The following FAM204A variants were observed in gnomAD, a reference collection of about 807,000 sequenced individuals.
FAM204A encodes the protein protein FAM204A.
A neutral mutation model predicts 35.4 loss-of-function variants in FAM204A; 16 were observed. That is an observed-to-expected ratio of 0.45 (90% CI 0.31 to 0.69). The LOEUF is 0.69. Ranked by LOEUF, FAM204A falls within the 30% of genes least tolerant of loss-of-function variation. FAM204A has a pLI of 0.07. For missense variants in FAM204A, 240 were observed against 265.7 expected (o/e 0.90, Z 0.67); for synonymous variants, 76 against 86.9 (o/e 0.88, Z 0.70).
rs1285897658 is a variant in FAM204A, at chr10:118,335,584, T to C, written c.292A>G (p.Arg98Gly). 1 of 1,611,608 alleles carries C rather than the reference T, an allele frequency of 6.2e-7. No individual in the cohort carries two copies. The highest frequency in any genetic ancestry group is 8.5e-7 in the Non-Finnish European group (1 of 1,179,458). Residue 98 changes from arginine (R) to glycine (G), a missense_variant, in exon 4 of 9, where the codon AGA becomes GGA. Around this residue, in one of 2 missense-constraint regions of FAM204A, gnomAD observed 232 missense variants for 242.8 expected, o/e 0.96. Transcript: ENST00000369183. ...CTGGAGCGTTTTCTTCTTTTCCCTCTGAATCTTGAGGTTGTGCTTTTCTGT... is the reference window on the plus strand; with the variant it reads ...CTGGAGCGTTTTCTTCTTTTCCCTCCGAATCTTGAGGTTGTGCTTTTCTGT... ...SEQKSTTSRF[R>G]GKRRKRSRKD...
At chr10:118,326,468 C>T in intron 6 of FAM204A, 1 of 474,368 alleles carries the variant, frequency 2.1e-6, no homozygotes, top group South Asian at 3.3e-5. Flanking sequence ...AAATAAGACG[C>T]AAATCCAGAT....
At position 118,311,322 on chromosome 10, in the gene FAM204A, T is replaced by C. The variant is rs1845948580; in HGVS notation, c.544-9A>G. On this transcript the variant is annotated splice_polypyrimidine_tract_variant and intron_variant, in intron 7 of 8. Coordinates refer to ENST00000369183, the MANE Select transcript of FAM204A (RefSeq NM_022063.3). ...GCAATTTTTACACCAAGCTAAGAAT[T>C]ACAAAGGAGAAAAAAAAAGTGAAAA... 1 of 1,472,880 alleles carries C rather than the reference T, an allele frequency of 6.8e-7. No homozygotes were observed. Among genetic ancestry groups the C allele is most frequent in the Non-Finnish European group, 9.0e-7 (1 of 1,114,950 alleles). 91.2% of individuals were successfully genotyped at this position (1,472,880 alleles called of 1,614,324 possible). A position where few individuals can be genotyped will look rare whatever the true frequency, so the allele number is the denominator to read the frequency against.
chr10:118,330,040 T>C (rs1362445246), intron 6 of FAM204A, among the ~76,000 whole-genome samples: 1 of 152,224 alleles, frequency 6.6e-6, no homozygotes, highest in African/African-American at 2.4e-5. Context: ...TTCTCCATCT[T>C]GGGCTCCCAG....
chr10:118,332,395 C>T (rs569113315), intron 6 of FAM204A, among the ~76,000 whole-genome samples: 117 of 152,010 alleles, frequency 7.7e-4, no homozygotes, highest in African/African-American at 2.7e-3. Flanking sequence ...AACCAAGAGG[C>T]AATGGTTTAC....
In FAM204A at chr10:118,298,686, C is replaced by T. The variant is rs1036740117; in HGVS notation, c.*12171G>A. On this transcript the variant is annotated 3_prime_UTR_variant, in exon 9 of 9. Transcript: ENST00000369183. The stretch of plus-strand genomic sequence containing the variant: ...TTACAATGTACAGAGATTATTGTTA[C>T]GTCCACATTATTATTTTTGGCACTA... 3 of 152,136 alleles carry T rather than the reference C, an allele frequency of 2.0e-5. No individual in the cohort carries two copies. The highest frequency in any genetic ancestry group is 4.8e-5 in the African/African-American group (2 of 41,426). The allele number at this position is 152,136 out of a possible 1,614,324, so 9.4% of individuals were successfully genotyped here. A position where few individuals can be genotyped will look rare whatever the true frequency, so the allele number is the denominator to read the frequency against.
At chr10:118,318,043 C>T (rs1234706530) in intron 7 of FAM204A, among the ~76,000 whole-genome samples, 1 of 151,950 alleles carries the variant, frequency 6.6e-6, no homozygotes, top group Non-Finnish European at 1.5e-5. Context: ...TTTCCCTCCC[C>T]AGTGTCCTAT....
chr10:118,331,821 T>C (rs896421641), intron 6 of FAM204A, among the ~76,000 whole-genome samples: 2 of 145,920 alleles, frequency 1.4e-5, no homozygotes, highest in African/African-American at 5.1e-5. Flanking sequence ...AAATCATATA[T>C]TTATTCATAA....
At position 118,309,167 on chromosome 10, in the gene FAM204A, A is replaced by G. The variant is rs1435876626; in HGVS notation, c.*1690T>C. On this transcript the variant is annotated 3_prime_UTR_variant, in exon 9 of 9. Transcript: ENST00000369183. Reference sequence around the variant, plus strand: ...GGAACAAGGGATATTAAATCATAAAATAAGACTTTCCAACATTTGGTCTGG... The same window carrying G: ...GGAACAAGGGATATTAAATCATAAAGTAAGACTTTCCAACATTTGGTCTGG... 1 of 152,230 alleles carries G rather than the reference A, an allele frequency of 6.6e-6. No individual in the cohort carries two copies. Among genetic ancestry groups the G allele is most frequent in the Non-Finnish European group, 1.5e-5 (1 of 68,036 alleles). 9.4% of individuals were successfully genotyped at this position (152,230 alleles called of 1,614,324 possible).
chr10:118,326,489 C>G (rs895155458), intron 6 of FAM204A: 1 of 466,588 alleles, frequency 2.1e-6, no homozygotes, highest in Non-Finnish European at 3.8e-6. Flanking sequence ...TTTTGTGAAT[C>G]AAAGCCTATG....
chr10:118,312,850 G>A (rs1201990408), intron 7 of FAM204A, among the ~76,000 whole-genome samples: 1 of 152,186 alleles, frequency 6.6e-6, no homozygotes, highest in Admixed American at 6.5e-5. Flanking sequence ...CACTGTTCTA[G>A]GTGCTGGAGG....
intron 3 of FAM204A, 147 bp from the exon 4 acceptor site, chr10:118,335,788 T>C (rs1304925790): frequency 3.0e-6 from 2 of 658,262 alleles, no homozygotes; most frequent in Non-Finnish European, 5.0e-6. Context: ...AGATGCTCTA[T>C]TCTCTGAGAC....
Position 118,301,656 on chromosome 10 carries a change from G to C in FAM204A, c.*9201C>G, listed in dbSNP as rs971433941. On this transcript the variant is annotated 3_prime_UTR_variant, in exon 9 of 9. Transcript: ENST00000369183. ...CGTGTAGAAATGCAAGAATTGTCCA[G>C]AGAATTGTCTCCCAACAAGTATATT... 6.6e-6 allele frequency: 1 copy of C among 152,156 alleles called. No individual in the cohort carries two copies. The highest frequency in any genetic ancestry group is 2.4e-5 in the African/African-American group (1 of 41,448). The allele number at this position is 152,156 out of a possible 1,614,324, so 9.4% of individuals were successfully genotyped here.
In FAM204A at chr10:118,308,302, T is replaced by C. The variant is rs1845896725; in HGVS notation, c.*2555A>G. ...GCATTCTGGTGGTAGTAAATGCACA[T>C]ATTGAAGTTTTAGGAACCAAAGTTA... On this transcript the variant is annotated 3_prime_UTR_variant, in exon 9 of 9. Coordinates refer to ENST00000369183, the MANE Select transcript of FAM204A (RefSeq NM_022063.3). 1 of 152,192 alleles carries C rather than the reference T, an allele frequency of 6.6e-6. No homozygotes were observed. Among genetic ancestry groups the C allele is most frequent in the Non-Finnish European group, 1.5e-5 (1 of 68,032 alleles). The allele number at this position is 152,192 out of a possible 1,614,324, so 9.4% of individuals were successfully genotyped here.
At chr10:118,341,437 ACAT>A (rs935072644) in intron 2 of FAM204A, among the ~76,000 whole-genome samples, 1 of 152,216 alleles carries the variant, frequency 6.6e-6, no homozygotes, top group African/African-American at 2.4e-5. Context: ...AAGCATGTTA[ACAT>A]CAACATTAAC....
intron 7 of FAM204A, among the ~76,000 whole-genome samples, chr10:118,323,874 A>G (rs948896881): frequency 6.6e-6 from 1 of 152,178 alleles, no homozygotes; most frequent in Non-Finnish European, 1.5e-5. Context: ...TGGAAATAAA[A>G]GTTCCAAGTG....
At chr10:118,313,184 A>G (rs555663636) in intron 7 of FAM204A, among the ~76,000 whole-genome samples, 1 of 152,260 alleles carries the variant, frequency 6.6e-6, no homozygotes, top group African/African-American at 2.4e-5. Flanking sequence ...AACACCTATC[A>G]ACTAGTTAGG....
At chr10:118,312,766 G>A (rs1026511922) in intron 7 of FAM204A, among the ~76,000 whole-genome samples, 5 of 152,214 alleles carry the variant, frequency 3.3e-5, no homozygotes, top group East Asian at 1.9e-4. Flanking sequence ...TGCTACTGTC[G>A]TCCTCCTCTT....
rs926335065 is a variant in FAM204A at position 118,305,448 on chromosome 10, G to T, written c.*5409C>A. 6.6e-6 allele frequency: 1 copy of T among 152,198 alleles called. No homozygotes were observed. The highest frequency in any genetic ancestry group is 1.5e-5 in the Non-Finnish European group (1 of 68,048). The allele number at this position is 152,198 out of a possible 1,614,324, so 9.4% of individuals were successfully genotyped here. A position where few individuals can be genotyped will look rare whatever the true frequency, so the allele number is the denominator to read the frequency against. On this transcript the variant is annotated 3_prime_UTR_variant, in exon 9 of 9. Coordinates refer to ENST00000369183, the MANE Select transcript of FAM204A (RefSeq NM_022063.3). ...CCACCAATGCTCCTCATCTCCAGGGGAGACAGTCAGGGCATCAATCCCACC... is the reference window on the plus strand; with the variant it reads ...CCACCAATGCTCCTCATCTCCAGGGTAGACAGTCAGGGCATCAATCCCACC...
In FAM204A at chr10:118,310,847, C is replaced by A; in HGVS notation, c.*10G>T. On this transcript the variant is annotated 3_prime_UTR_variant, in exon 9 of 9. Transcript: ENST00000369183. ...TTGAGTCTACAAATGTCTTGAAGCACTCTGGCAAGTTACATGTATCCCATG... is the reference window on the plus strand; with the variant it reads ...TTGAGTCTACAAATGTCTTGAAGCAATCTGGCAAGTTACATGTATCCCATG... The A allele has an allele frequency of 6.3e-7, 1 of 1,597,430 alleles. No homozygotes were observed. Among genetic ancestry groups the A allele is most frequent in the Non-Finnish European group, 8.5e-7 (1 of 1,174,916 alleles).
Sources: gnomAD v4.1 joint callset for allele counts (sites outside exome capture counted in the v4.1 genomes callset) on GRCh38, gnomAD v4.1.1 for gene constraint, gnomAD v4.1.1 regional missense constraint, MANE v1.5 for transcripts, NCBI Gene and HGNC (gene_info 2026-07-23, HGNC 2026-07-21) for gene names.